The following TENM3 variants were observed in gnomAD, a reference collection of about 807,000 sequenced individuals.
The protein encoded by TENM3 is teneurin transmembrane protein 3.
Under a neutral mutation model 255.1 loss-of-function variants are expected in TENM3, and 63 were observed. That is an observed-to-expected ratio of 0.25 (90% confidence interval 0.20 to 0.30). TENM3 has a LOEUF of 0.30. Ranked by LOEUF, TENM3 falls within the 10% of genes least tolerant of loss-of-function variation. The probability of loss-of-function intolerance (pLI) is 1.00; values close to 1 mark genes in which losing one functional copy is unlikely to be tolerated. For synonymous variants in TENM3, 1,306 were observed against 1,322.3 expected, an observed-to-expected ratio of 0.99 and a Z score of 0.27; for missense variants, 2,929 against 3,461.1, an observed-to-expected ratio of 0.85 and a Z score of 3.86.
At chr4:181,931,457 A>G in the TENM3 span, among the ~76,000 whole-genome samples, 1 of 152,220 alleles carries the variant, frequency 6.6e-6, no homozygotes, top group South Asian at 2.1e-4. Flanking sequence ...ACAACTTACA[A>G]GGGATGTGAA....
At chr4:182,538,764 G>A (rs1325526968) in intron 3 of TENM3, among the ~76,000 whole-genome samples, 6 of 152,126 alleles carry the variant, frequency 3.9e-5, no homozygotes, top group African/African-American at 1.2e-4. Context: ...TAGTATGGAT[G>A]TAAAAGCAAA....
chr4:182,178,705 T>C (rs1386705698), intron 1 of TENM3, among the ~76,000 whole-genome samples: 1 of 152,216 alleles, frequency 6.6e-6, no homozygotes, highest in Non-Finnish European at 1.5e-5. Context: ...ATAAAACAAC[T>C]CCATCATCAT....
chr4:182,788,341 T>G (rs1235633994), intron 24 of TENM3, among the ~76,000 whole-genome samples: 1 of 152,196 alleles, frequency 6.6e-6, no homozygotes, highest in East Asian at 1.9e-4. Flanking sequence ...AAGGCTGGGT[T>G]GTGTATGCCT....
chr4:182,612,766 C>G (rs1022739841), intron 4 of TENM3, among the ~76,000 whole-genome samples: 1 of 135,830 alleles, frequency 7.4e-6, no homozygotes, highest in African/African-American at 2.7e-5. Flanking sequence ...CACACACACA[C>G]ACAGTGGGAA....
chr4:182,691,997 G>A (rs1252723315), intron 12 of TENM3, among the ~76,000 whole-genome samples: 1 of 151,990 alleles, frequency 6.6e-6, no homozygotes, highest in Non-Finnish European at 1.5e-5. Flanking sequence ...TTCATGGGTA[G>A]GAAATATGTA....
intron 24 of TENM3, among the ~76,000 whole-genome samples, chr4:182,775,920 T>C (rs1016708511): frequency 4.0e-5 from 6 of 151,804 alleles, no homozygotes; most frequent in African/African-American, 1.2e-4. Flanking sequence ...ACACATTATC[T>C]AAATACCATA....
chr4:181,541,575 C>G, the TENM3 span, among the ~76,000 whole-genome samples: 4 of 152,096 alleles, frequency 2.6e-5, no homozygotes, highest in Non-Finnish European at 5.9e-5. Context: ...CAGTAATAAT[C>G]CCACTGCATC....
chr4:182,780,255 G>C (rs1765061830), intron 24 of TENM3, among the ~76,000 whole-genome samples: 1 of 146,370 alleles, frequency 6.8e-6, no homozygotes. Flanking sequence ...AAGGGATCCA[G>C]TTTCAGCTTT....
At chr4:182,736,197 T>C (rs2152723609) in intron 16 of TENM3, among the ~76,000 whole-genome samples, 1 of 152,336 alleles carries the variant, frequency 6.6e-6, no homozygotes. Context: ...TGCTACAATC[T>C]AACCCAAACG....
At position 182,796,760 on chromosome 4, in the gene TENM3, A is replaced by C. The variant is rs1766520776; in HGVS notation, c.7337A>C (p.Asp2446Ala). 2 of 1,605,656 alleles carry C rather than the reference A, an allele frequency of 1.2e-6. No homozygotes were observed. Among genetic ancestry groups the C allele is most frequent in the African/African-American group, 2.7e-5 (2 of 74,844 alleles). ...YELVKSQQWD[D>A]IPPIFGVQQQ... ...CTTGTGAAGAGTCAGCAGTGGGATG[A>C]TATACCGGTAAGAAACAAAAAGACC... is the stretch of plus-strand genomic sequence containing the variant. Residue 2446 changes from aspartate to alanine, a missense_variant, in exon 27 of 28, where the codon GAT (aspartate) becomes GCT (alanine). Around this residue, in one of 6 missense-constraint regions of TENM3, gnomAD observed 476 missense variants for 480.1 expected, o/e 0.99. Transcript: ENST00000511685.
chr4:181,764,181 C>A, the TENM3 span, among the ~76,000 whole-genome samples: 1 of 151,840 alleles, frequency 6.6e-6, no homozygotes, highest in Non-Finnish European at 1.5e-5. Flanking sequence ...AAAGAAAAAA[C>A]TTCATATTAT....
intron 3 of TENM3, among the ~76,000 whole-genome samples, chr4:182,408,572 A>C (rs906374939): frequency 1.3e-5 from 2 of 152,252 alleles, no homozygotes; most frequent in Non-Finnish European, 2.9e-5. Context: ...GATTGCAAGG[A>C]ATTAGAGACA....
the TENM3 span, among the ~76,000 whole-genome samples, chr4:181,940,842 G>C: frequency 3.3e-5 from 5 of 152,288 alleles, no homozygotes; most frequent in South Asian, 6.2e-4. Context: ...AGTCTATGAG[G>C]AGAGTATTAC....
At chr4:182,719,257 T>TC in intron 13 of TENM3, among the ~76,000 whole-genome samples, 2 of 123,570 alleles carry the variant, frequency 1.6e-5, no homozygotes, top group Admixed American at 1.6e-4. Flanking sequence ...TTTTTCTTTT[T>TC]TTTTTTTTTT....
chr4:181,715,470 A>T, the TENM3 span, among the ~76,000 whole-genome samples: 4 of 152,222 alleles, frequency 2.6e-5, no homozygotes, highest in Non-Finnish European at 4.4e-5. Context: ...TTAGCTGGTG[A>T]TTCAAAATAG....
intron 3 of TENM3, among the ~76,000 whole-genome samples, chr4:182,450,803 A>G (rs1334611889): frequency 1.3e-5 from 2 of 152,248 alleles, no homozygotes; most frequent in East Asian, 1.9e-4. Context: ...ATAGTGCTGT[A>G]TAAGAGCGTT....
chr4:182,627,119 T>G (rs756162902), intron 4 of TENM3, among the ~76,000 whole-genome samples: 1 of 152,178 alleles, frequency 6.6e-6, no homozygotes, highest in Non-Finnish European at 1.5e-5. Flanking sequence ...CTTTGTAACT[T>G]TTAAATACCT....
At chr4:182,637,165 A>G (rs1001177743) in intron 5 of TENM3, among the ~76,000 whole-genome samples, 1 of 152,194 alleles carries the variant, frequency 6.6e-6, no homozygotes, top group Non-Finnish European at 1.5e-5. Flanking sequence ...TTAGAAGTGA[A>G]TTCAGCATAA....
At chr4:181,836,183 G>GCACACACACA in the TENM3 span, among the ~76,000 whole-genome samples, 4,157 of 148,868 alleles carry the variant, frequency 0.028, 71 homozygotes, top group Non-Finnish European at 0.037. Flanking sequence ...ATACACACAT[G>GCACACACACA]CACACACACA....
Sources: allele counts gnomAD v4.1 joint callset (sites outside exome capture counted in the v4.1 genomes callset), GRCh38; gene constraint gnomAD v4.1.1; regional missense constraint gnomAD v4.1.1; transcripts MANE v1.5; gene names NCBI Gene and HGNC (gene_info 2026-07-23, HGNC 2026-07-21).